The following ZNF606 variants were observed in gnomAD, a reference collection of about 807,000 sequenced individuals.
ZNF606 encodes the protein zinc finger protein 328.
In ZNF606, 37 loss-of-function variants were observed where a neutral mutation model predicts 74.9. The ratio of observed to expected loss-of-function variants is 0.49; its 90% CI spans 0.38 to 0.65. The LOEUF (loss-of-function observed/expected upper bound fraction) is 0.65. Ranked by LOEUF, ZNF606 falls within the 30% of genes least tolerant of loss-of-function variation. ZNF606 has a pLI of 0.00. For missense variants in ZNF606, 852 were observed against 952.9 expected (o/e 0.89, Z 1.39); for synonymous variants, 328 against 312.4 (o/e 1.05, Z -0.53).
At chr19:57,988,124 G>C in intron 6 of ZNF606, 83 bp downstream of exon 6, 1 of 1,062,706 alleles carries the variant, frequency 9.4e-7, no homozygotes, top group South Asian at 1.6e-5. Flanking sequence ...TCTGAGGAAG[G>C]TAACTCTTCA....
chr19:57,982,410 T>C (rs1159584352), intron 6 of ZNF606, among the ~76,000 whole-genome samples: 1 of 152,132 alleles, frequency 6.6e-6, no homozygotes, highest in Non-Finnish European at 1.5e-5. Flanking sequence ...CACAGCAAGA[T>C]CCTTAATTTA....
chr19:57,999,595 G>A, intron 4 of ZNF606: 1 of 526,308 alleles, frequency 1.9e-6, no homozygotes, highest in Non-Finnish European at 3.4e-6. Flanking sequence ...GGGAGAGTTG[G>A]AGCTCAGTAC....
chr19:58,001,370 C>T lies in ZNF606; in HGVS notation c.-51G>A, dbSNP rs774457379. On this transcript the variant is annotated splice_region_variant and 5_prime_UTR_variant, in exon 2 of 7. Coordinates refer to ENST00000551380, the MANE Select transcript of ZNF606 (RefSeq NM_001348022.3). ...TGCCCAGGAACACAGCAAATCCCAACCTAGTGACAAAAGTGAAAAAAGACA... is the reference window on the plus strand; with the variant it reads ...TGCCCAGGAACACAGCAAATCCCAATCTAGTGACAAAAGTGAAAAAAGACA... 6 of 1,613,090 alleles carry T rather than the reference C, an allele frequency of 3.7e-6. No homozygotes were observed. In the East Asian group the frequency reaches 6.7e-5, roughly 18 times the overall value.
intron 6 of ZNF606, 51 bp downstream of exon 6, chr19:57,988,156 C>A (rs1384611379): frequency 1.3e-5 from 19 of 1,509,600 alleles, no homozygotes; most frequent in Non-Finnish European, 1.6e-5. Context: ...CATTTCTCAA[C>A]AAAGAGGGCT....
At position 58,002,550 on chromosome 19, in the gene ZNF606, G is replaced by A. The variant is rs772402152; in HGVS notation, c.-206C>T. On this transcript the variant is annotated 5_prime_UTR_variant, in exon 1 of 7. Coordinates refer to ENST00000551380, the MANE Select transcript of ZNF606 (RefSeq NM_001348022.3). ...CTCGGGGACAAAGGCCCGCGGAGCC[G>A]ACGTGCAGCAGAGTTCACCCAGGCC... is the stretch of plus-strand genomic sequence containing the variant. The A allele has an allele frequency of 6.6e-5, 28 of 425,002 alleles. No homozygotes were observed. The East Asian group carries it at 2.0e-3, about 30-fold the overall frequency. 26.3% of individuals were successfully genotyped at this position (425,002 alleles called of 1,614,324 possible).
chr19:57,980,625 G>A (rs1457968686), intron 6 of ZNF606, among the ~76,000 whole-genome samples: 1 of 152,098 alleles, frequency 6.6e-6, no homozygotes, highest in African/African-American at 2.4e-5. Context: ...CATGAGGTCA[G>A]GAGATCAAGA....
rs2073018553 is a variant in ZNF606, at chr19:57,978,232, T to C, written c.*69A>G. ...AACTCTTAATGAAAAATGTCCCCTC[T>C]TGATTATGTTTATAGGGTTTTCCTC... On this transcript the variant is annotated 3_prime_UTR_variant, in exon 7 of 7. Transcript: ENST00000551380. The surrounding 1 kb of genome is among the most constrained non-coding windows in gnomAD (Gnocchi z 4.4). 3 of 1,446,184 alleles carry C rather than the reference T, an allele frequency of 2.1e-6. No individual in the cohort carries two copies. The highest frequency in any genetic ancestry group is 3.0e-5 in the South Asian group (2 of 65,680). 89.6% of individuals were successfully genotyped at this position (1,446,184 alleles called of 1,614,324 possible). A position where few individuals can be genotyped will look rare whatever the true frequency, so the allele number is the denominator to read the frequency against.
chr19:57,993,156 AAC>A (rs1600224148), intron 4 of ZNF606, among the ~76,000 whole-genome samples: 1 of 152,304 alleles, frequency 6.6e-6, no homozygotes, highest in East Asian at 1.9e-4. Flanking sequence ...CTCCAGAAGA[AAC>A]ACAGCCCTGC....
intron 6 of ZNF606, among the ~76,000 whole-genome samples, chr19:57,985,377 C>T (rs2073148947): frequency 6.6e-6 from 1 of 152,096 alleles, no homozygotes; most frequent in Non-Finnish European, 1.5e-5. Flanking sequence ...CTAGTGGCTC[C>T]CTGGAAGACT....
Position 57,990,895 on chromosome 19 carries a change from C to T in ZNF606, c.178-2174G>A, listed in dbSNP as rs144807799. Among the ~76,000 whole-genome samples, 729 of 152,252 alleles carry T rather than the reference C, an allele frequency of 4.8e-3. 11 individuals carry two copies. The highest frequency in any genetic ancestry group is 0.017 in the African/African-American group (705 of 41,520). ...AAGTCAACTCCTGCTCAAGACCCCC[C>T]AGGCTCAGCCTTACTGTGCCCCATG... is the stretch of plus-strand genomic sequence containing the variant. On this transcript the variant is annotated intron_variant, in intron 4 of 6. Coordinates refer to ENST00000551380, the MANE Select transcript of ZNF606 (RefSeq NM_001348022.3).
Position 57,988,202 on chromosome 19 carries a change from C to G in ZNF606, c.400+5G>C. The G allele has an allele frequency of 1.2e-6, 2 of 1,612,678 alleles. No individual in the cohort carries two copies. Among genetic ancestry groups the G allele is most frequent in the Non-Finnish European group, 1.7e-6 (2 of 1,179,272 alleles). On this transcript the variant is annotated splice_donor_5th_base_variant and intron_variant, in intron 6 of 6. Transcript: ENST00000551380. ...TTCCTTGTTCAGCCTGGGGTCTGCC[C>G]TCACCTGGACAAGTGCGTTGAGGAC...
At chr19:58,000,287 T>C (rs2073401199) in intron 3 of ZNF606, 2 of 468,956 alleles carry the variant, frequency 4.3e-6, no homozygotes, top group Admixed American at 3.9e-5. Flanking sequence ...AGTGGCACGA[T>C]CTTGGCTCAC....
At chr19:58,002,822 G>C, upstream of ZNF606, 1 of 448,914 alleles carries the variant, frequency 2.2e-6, no homozygotes. Context: ...GCGTCGACCG[G>C]AGCGCGCCGC....
Position 58,002,662 on chromosome 19 carries a change from A to T in ZNF606, c.-318T>A, listed in dbSNP as rs1440430962. 4 of 453,916 alleles carry T rather than the reference A, an allele frequency of 8.8e-6. No homozygotes were observed. The highest frequency in any genetic ancestry group is 6.2e-5 in the South Asian group (4 of 64,454). The allele number at this position is 453,916 out of a possible 1,614,324, so 28.1% of individuals were successfully genotyped here. On this transcript the variant is annotated 5_prime_UTR_variant, in exon 1 of 7. Coordinates refer to ENST00000551380, the MANE Select transcript of ZNF606 (RefSeq NM_001348022.3). ...AGAACCGACGGCAACGACGGCGCAA[A>T]GCCGGCGCGGAAAGGGCAGGCGCAG...
chr19:58,002,206 T>A (rs1201248198), intron 1 of ZNF606, 190 bp downstream of exon 1: 5 of 456,692 alleles, frequency 1.1e-5, no homozygotes, highest in Non-Finnish European at 1.8e-5. Context: ...CCAACCCAGG[T>A]CTGACGTCCT....
intron 6 of ZNF606, among the ~76,000 whole-genome samples, chr19:57,983,450 C>T (rs936116088): frequency 4.6e-5 from 7 of 151,768 alleles, no homozygotes; most frequent in Non-Finnish European, 1.0e-4. Flanking sequence ...TAGTGGCAGG[C>T]GCTTGTAATG....
At chr19:58,000,026 T>C (rs892601775) in intron 3 of ZNF606, 130 bp from the exon 4 acceptor site, 2 of 732,942 alleles carry the variant, frequency 2.7e-6, no homozygotes, top group Non-Finnish European at 4.4e-6. Flanking sequence ...CCTCATTCTA[T>C]AGATGAAGGA....
rs775444941 is a variant in ZNF606 at position 57,979,001 on chromosome 19, C to A, written c.1679G>T (p.Arg560Ile). 5 of 1,614,002 alleles carry A rather than the reference C, an allele frequency of 3.1e-6. No homozygotes were observed. The highest frequency in any genetic ancestry group is 4.2e-6 in the Non-Finnish European group (5 of 1,179,984). ...RDYSALSKHE[R>I]THSGAKPYKC... ...ATATGGTTTTGCTCCAGAATGAGTT[C>A]TTTCATGTTTACTAAGGGCTGAGTA... The change falls in exon 7 of 7, where the codon AGA becomes ATA. Residue 560 changes from arginine to isoleucine, a missense_variant. Physicochemically the swap from Arg to Ile is moderately conservative, Grantham distance 97. This residue lies in a region of ZNF606 where 243 missense variants were observed against 359.2 expected (regional missense o/e 0.68). Coordinates refer to ENST00000551380, the MANE Select transcript of ZNF606 (RefSeq NM_001348022.3).
intron 4 of ZNF606, among the ~76,000 whole-genome samples, chr19:57,993,690 C>T (rs549516773): frequency 6.6e-5 from 10 of 152,322 alleles, no homozygotes; most frequent in Admixed American, 1.3e-4. Flanking sequence ...CTTGAGACCG[C>T]GGCTAGGTTC....
Sources: allele counts gnomAD v4.1 joint callset (sites outside exome capture counted in the v4.1 genomes callset), GRCh38; gene constraint gnomAD v4.1.1; regional missense constraint gnomAD v4.1.1; non-coding constraint Gnocchi (gnomAD v3.1); transcripts MANE v1.5; gene names NCBI Gene and HGNC (gene_info 2026-07-23, HGNC 2026-07-21).